Variants in SLC24A2 observed in about 807,000 individuals in gnomAD.
SLC24A2 encodes the protein sodium/potassium/calcium exchanger 2.
Under a neutral mutation model 62.0 loss-of-function variants are expected in SLC24A2, and 36 were observed. That is an observed-to-expected ratio of 0.58 (90% CI 0.44 to 0.77). The LOEUF (loss-of-function observed/expected upper bound fraction) is 0.77, where lower values mean the gene tolerates loss of function less well. Ranked by LOEUF, SLC24A2 falls within the 30% of genes least tolerant of loss-of-function variation. The pLI is 0.00. For missense variants in SLC24A2, 846 were observed against 817.9 expected (o/e 1.03, Z -0.42); for synonymous variants, 358 against 294.0 (o/e 1.22, Z -2.23).
chr9:20,277,381 A>G, the SLC24A2 span, among the ~76,000 whole-genome samples: 1 of 151,656 alleles, frequency 6.6e-6, no homozygotes, highest in Non-Finnish European at 1.5e-5. Flanking sequence ...ACTTAAACAA[A>G]TTTACAAGAA....
the SLC24A2 span, among the ~76,000 whole-genome samples, chr9:20,250,007 G>A: frequency 2.6e-5 from 4 of 152,170 alleles, no homozygotes; most frequent in Non-Finnish European, 4.4e-5. Context: ...TTGTCTTGGG[G>A]AGGAACTAAT....
the SLC24A2 span, among the ~76,000 whole-genome samples, chr9:20,033,658 T>C: frequency 0.019 from 2,943 of 152,256 alleles, 75 homozygotes; most frequent in African/African-American, 0.064. Context: ...ATTAGCATGG[T>C]AAAAGACACT....
the SLC24A2 span, among the ~76,000 whole-genome samples, chr9:19,932,532 G>A: frequency 1.3e-5 from 2 of 152,164 alleles, no homozygotes; most frequent in African/African-American, 4.8e-5. Flanking sequence ...GTTTATGGAA[G>A]TTTTCAATGT....
chr9:19,975,444 G>A, the SLC24A2 span, among the ~76,000 whole-genome samples: 1 of 152,144 alleles, frequency 6.6e-6, no homozygotes, highest in Non-Finnish European at 1.5e-5. Flanking sequence ...GGGAAATAAT[G>A]AGATTTGGAA....
At chr9:19,581,920 G>T (rs963023605) in intron 5 of SLC24A2, among the ~76,000 whole-genome samples, 1 of 152,064 alleles carries the variant, frequency 6.6e-6, no homozygotes, top group African/African-American at 2.4e-5. Flanking sequence ...GGTCTCTTGT[G>T]GTCTAAACCC....
the SLC24A2 span, among the ~76,000 whole-genome samples, chr9:19,847,315 A>G: frequency 6.6e-6 from 1 of 152,224 alleles, no homozygotes; most frequent in Non-Finnish European, 1.5e-5. Context: ...ATGTTGGGAA[A>G]AAATTTATGT....
At chr9:19,966,034 T>C in the SLC24A2 span, among the ~76,000 whole-genome samples, 4 of 152,338 alleles carry the variant, frequency 2.6e-5, no homozygotes, top group East Asian at 5.8e-4. Flanking sequence ...GTGCAGCTTA[T>C]TCCTCCTTTT....
At chr9:20,087,540 T>G in the SLC24A2 span, among the ~76,000 whole-genome samples, 2 of 152,284 alleles carry the variant, frequency 1.3e-5, no homozygotes, top group South Asian at 4.1e-4. Context: ...CAAAGAGAGA[T>G]AATATTTCCT....
upstream of SLC24A2, among the ~76,000 whole-genome samples, chr9:19,792,937 C>T (rs1265278058): frequency 6.6e-6 from 1 of 152,156 alleles, no homozygotes; most frequent in Non-Finnish European, 1.5e-5. Context: ...TTCCAAACCT[C>T]GACTTTAGCT....
At chr9:19,820,522 T>G in the SLC24A2 span, among the ~76,000 whole-genome samples, 1 of 151,056 alleles carries the variant, frequency 6.6e-6, no homozygotes, top group Non-Finnish European at 1.5e-5. Context: ...CCTATGGAAA[T>G]AAAAAGTTTT....
At chr9:20,101,964 T>G in the SLC24A2 span, among the ~76,000 whole-genome samples, 1 of 152,146 alleles carries the variant, frequency 6.6e-6, no homozygotes, top group Non-Finnish European at 1.5e-5. Context: ...AGATCTCTTT[T>G]TTCTCTTTCA....
chr9:20,289,621 G>C, the SLC24A2 span, among the ~76,000 whole-genome samples: 2 of 152,166 alleles, frequency 1.3e-5, no homozygotes, highest in African/African-American at 4.8e-5. Context: ...TGAAGACAAA[G>C]TCAGGCCCAG....
the SLC24A2 span, among the ~76,000 whole-genome samples, chr9:19,968,185 A>C: frequency 3.3e-5 from 5 of 152,184 alleles, no homozygotes; most frequent in African/African-American, 1.2e-4. Context: ...CATAATCTTC[A>C]TCATCATCTT....
At chr9:20,200,199 GT>G in the SLC24A2 span, among the ~76,000 whole-genome samples, 1 of 151,646 alleles carries the variant, frequency 6.6e-6, no homozygotes, top group African/African-American at 2.4e-5. Flanking sequence ...ATTCCACAGA[GT>G]AGCCTCTGGC....
chr9:20,155,137 A>T, the SLC24A2 span, among the ~76,000 whole-genome samples: 1 of 149,382 alleles, frequency 6.7e-6, no homozygotes, highest in Admixed American at 6.8e-5. Flanking sequence ...CTGGAAAAAA[A>T]AAAAGAAAAA....
At chr9:20,049,196 C>T in the SLC24A2 span, among the ~76,000 whole-genome samples, 3,382 of 150,602 alleles carry the variant, frequency 0.022, 123 homozygotes, top group African/African-American at 0.078. Flanking sequence ...GAGGAAGTAG[C>T]CCAAACAGGA....
chr9:20,085,028 C>G, the SLC24A2 span, among the ~76,000 whole-genome samples: 1 of 152,258 alleles, frequency 6.6e-6, no homozygotes, highest in South Asian at 2.1e-4. Context: ...CAGGGTCTCA[C>G]TCTGTCACCT....
chr9:20,053,417 T>C, the SLC24A2 span, among the ~76,000 whole-genome samples: 1 of 152,198 alleles, frequency 6.6e-6, no homozygotes. Flanking sequence ...TGTTTGCCTT[T>C]CTTTTCACTC....
intron 2 of SLC24A2, chr9:19,705,310 C>G (rs1189907317): frequency 1.3e-5 from 2 of 153,524 alleles, no homozygotes; most frequent in African/African-American, 4.8e-5. Flanking sequence ...TGAGGACTCT[C>G]TGGGGAAAGA....
Sources: allele counts gnomAD v4.1 joint callset (sites outside exome capture counted in the v4.1 genomes callset), GRCh38; gene constraint gnomAD v4.1.1; transcripts MANE v1.5; gene names NCBI Gene and HGNC (gene_info 2026-07-23, HGNC 2026-07-21).